TRPM3: variants seen among roughly 807,000 people sequenced by gnomAD.
The protein encoded by TRPM3 is transient receptor potential cation channel subfamily M member 3, also known as long transient receptor potential channel 3.
TRPM3 carries 77 observed loss-of-function variants against 181.2 expected under a neutral mutation model. The ratio of observed to expected loss-of-function variants is 0.42; its 90% CI spans 0.35 to 0.51. The LOEUF (loss-of-function observed/expected upper bound fraction) is 0.51, where lower values mean the gene tolerates loss of function less well. Ranked by LOEUF, TRPM3 falls within the 20% of genes least tolerant of loss-of-function variation. TRPM3 has a pLI of 0.01. For missense variants in TRPM3, 1,759 were observed against 2,196.7 expected, an observed-to-expected ratio of 0.80 and a Z score of 3.98; for synonymous variants, 745 against 796.4, an observed-to-expected ratio of 0.94 and a Z score of 1.09.
At chr9:70,570,654 CT>C (rs1289563025) in intron 22 of TRPM3, among the ~76,000 whole-genome samples, 1 of 152,152 alleles carries the variant, frequency 6.6e-6, no homozygotes, top group Admixed American at 6.5e-5. Context: ...GCAATATTCA[CT>C]ATTTTTTTCT....
intron 8 of TRPM3, among the ~76,000 whole-genome samples, chr9:70,690,959 T>G (rs2068361767): frequency 1.3e-5 from 2 of 152,208 alleles, no homozygotes; most frequent in Non-Finnish European, 2.9e-5. Flanking sequence ...GATAAAATTC[T>G]TAATGTTAAC....
chr9:70,764,994 G>A (rs374690481), intron 7 of TRPM3, among the ~76,000 whole-genome samples: 4 of 152,254 alleles, frequency 2.6e-5, no homozygotes, highest in South Asian at 2.1e-4. Flanking sequence ...TCTGTAGCAC[G>A]TCATGGTTTA....
chr9:70,606,629 T>TTG (rs774974386), intron 19 of TRPM3, among the ~76,000 whole-genome samples: 4,200 of 141,276 alleles, frequency 0.03, 216 homozygotes, highest in African/African-American at 0.1. Context: ...CATGCTTTAA[T>TTG]TGTGTGTGTG....
intron 1 of TRPM3, among the ~76,000 whole-genome samples, chr9:71,043,298 G>A (rs1200912985): frequency 6.6e-6 from 1 of 152,142 alleles, no homozygotes; most frequent in Middle Eastern, 3.2e-3. Context: ...TGGATATGAG[G>A]TTGAAATTGG....
chr9:70,536,285 C>T lies in TRPM3; in HGVS notation c.4828G>A (p.Glu1610Lys). Residue 1610 changes from glutamate to lysine, a missense_variant, in exon 26 of 26, where the codon GAG becomes AAG. This residue lies in a region of TRPM3 where 612 missense variants were observed against 590.0 expected (regional missense o/e 1.04). Transcript: ENST00000677713. ...CTGCGGCCTTTGGCCTCATTCTCCT[C>T]ACTGTCAGAGCTGGGGTGACTCAGT... ...AELSHPSSDS[E>K]ENEAKGRRAT... is the part of the protein sequence containing the mutation. The T allele has an allele frequency of 6.2e-7, 1 of 1,614,184 alleles. No individual in the cohort carries two copies. The highest frequency in any genetic ancestry group is 1.7e-5 in the Admixed American group (1 of 60,030).
chr9:70,738,259 C>A lies in TRPM3; in HGVS notation c.1272+23342G>T, dbSNP rs913992257. ...ATGTACATGGAAATTAAATAACCAG[C>A]CCCTGAATGATTATTGGGTGAACCA... On this transcript the variant is annotated intron_variant, in intron 8 of 25. Transcript: ENST00000677713. Among the ~76,000 whole-genome samples the A allele has an allele frequency of 2.0e-5, 3 of 152,096 alleles. No individual in the cohort carries two copies. In the East Asian group the frequency reaches 5.8e-4, roughly 29 times the overall value.
chr9:71,121,225 G>T lies in TRPM3; in HGVS notation c.130C>A (p.Arg44=). ...DAPRPLNWTI[R]KLCHAAFLPS... ...AGAAAGGCTGCGTGGCACAGCTTCC[G>T]GATGGTCCAGTTTAGGGGTCGAGGA... The change falls in exon 1 of 26, where the codon CGG becomes AGG. Residue 44 remains arginine (R), a synonymous_variant. Coordinates refer to ENST00000677713, the MANE Select transcript of TRPM3 (RefSeq NM_001366145.2). 1.2e-6 allele frequency: 2 copies of T among 1,614,078 alleles called. No individual in the cohort carries two copies. The highest frequency in any genetic ancestry group is 1.7e-6 in the Non-Finnish European group (2 of 1,179,966).
chr9:70,666,138 A>G (rs1352268947), intron 9 of TRPM3, among the ~76,000 whole-genome samples: 1 of 152,216 alleles, frequency 6.6e-6, no homozygotes, highest in Non-Finnish European at 1.5e-5. Context: ...CCTCTCATGC[A>G]GAATCTGGGC....
chr9:70,749,302 A>G (rs755576889), intron 8 of TRPM3, among the ~76,000 whole-genome samples: 8 of 152,206 alleles, frequency 5.3e-5, no homozygotes, highest in Non-Finnish European at 1.0e-4. Flanking sequence ...GCAAATGAGA[A>G]CCAGCTGTAG....
rs17055012 is a variant in TRPM3 at position 70,531,679 on chromosome 9, G to A, written c.*4274C>T. On this transcript the variant is annotated 3_prime_UTR_variant, in exon 26 of 26. Coordinates refer to ENST00000677713, the MANE Select transcript of TRPM3 (RefSeq NM_001366145.2). ...TTATAAAATACTGTACACTGCTTCT[G>A]CATGGGGTTGGCAGATGTAAACAGC... 4.7e-4 allele frequency: 72 copies of A among 152,260 alleles called. 1 individual carries two copies. The East Asian group carries it at 7.1e-3, about 15-fold the overall frequency. The allele number at this position is 152,260 out of a possible 1,614,324, so 9.4% of individuals were successfully genotyped here. A position where few individuals can be genotyped will look rare whatever the true frequency, so the allele number is the denominator to read the frequency against.
chr9:71,177,542 T>C (rs1260155992), intron 1 of TRPM3, among the ~76,000 whole-genome samples: 3 of 152,106 alleles, frequency 2.0e-5, no homozygotes, highest in African/African-American at 7.2e-5. Context: ...TCAGAATGTA[T>C]TCTCATCGTT....
intron 1 of TRPM3, among the ~76,000 whole-genome samples, chr9:71,174,049 C>T (rs1378761030): frequency 6.6e-6 from 1 of 152,136 alleles, no homozygotes; most frequent in African/African-American, 2.4e-5. Context: ...ATATGATTAT[C>T]TTAGCACCAA....
At position 71,350,444 on chromosome 9, in the gene TRPM3, G is replaced by A. The variant is rs193034033; in HGVS notation, c.183+96209C>T. ...AACTGCAAAAAAATCTCTAGTTGTC[G>A]TCTGACTAGTTCCTAAATACAATAG... On this transcript the variant is annotated intron_variant, in intron 1 of 24. Coordinates refer to the TRPM3 transcript ENST00000357533. Among the ~76,000 whole-genome samples the A allele has an allele frequency of 1.7e-3, 253 of 152,204 alleles. 3 individuals are homozygous for A. The highest frequency in any genetic ancestry group is 2.2e-4 in the Non-Finnish European group (15 of 68,014).
chr9:71,333,403 A>T (rs2090348624), intron 1 of TRPM3, among the ~76,000 whole-genome samples: 1 of 152,008 alleles, frequency 6.6e-6, no homozygotes, highest in Non-Finnish European at 1.5e-5. Flanking sequence ...ATGGGAGAGT[A>T]GGAACCAGCA....
chr9:70,620,551 C>G (rs2063470263), intron 15 of TRPM3, among the ~76,000 whole-genome samples, 186 bp from the exon 16 acceptor site: 1 of 152,156 alleles, frequency 6.6e-6, no homozygotes, highest in South Asian at 2.1e-4. Flanking sequence ...ATGATAAATG[C>G]ATAAGCACAG....
At chr9:70,617,223 G>A (rs1467009141) in intron 17 of TRPM3, among the ~76,000 whole-genome samples, 12 of 152,196 alleles carry the variant, frequency 7.9e-5, no homozygotes, top group Admixed American at 5.2e-4. Flanking sequence ...CCCTGTCCTC[G>A]GAGCTGAGAG....
intron 1 of TRPM3, among the ~76,000 whole-genome samples, chr9:71,288,294 G>A (rs2085473015): frequency 6.6e-6 from 1 of 151,758 alleles, no homozygotes; most frequent in Non-Finnish European, 1.5e-5. Flanking sequence ...TACGATAAAC[G>A]CTATTTTCTG....
intron 1 of TRPM3, among the ~76,000 whole-genome samples, chr9:71,385,945 G>A (rs948914552): frequency 3.3e-5 from 5 of 151,778 alleles, no homozygotes; most frequent in African/African-American, 4.8e-5. Flanking sequence ...GACCTCAAGC[G>A]ATCCACCCAC....
chr9:70,812,534 G>A (rs901463900), intron 6 of TRPM3, among the ~76,000 whole-genome samples: 9 of 152,280 alleles, frequency 5.9e-5, no homozygotes, highest in African/African-American at 2.2e-4. Context: ...CCTAATTAAT[G>A]TGTTTCTGAG....
Sources: gnomAD v4.1 joint callset for allele counts (sites outside exome capture counted in the v4.1 genomes callset) on GRCh38, gnomAD v4.1.1 for gene constraint, gnomAD v4.1.1 regional missense constraint, MANE v1.5 for transcripts, NCBI Gene and HGNC (gene_info 2026-07-23, HGNC 2026-07-21) for gene names.